Variants in SBF2 observed in about 807,000 individuals in gnomAD.
SBF2 encodes myotubularin-related protein 13.
In SBF2, 112 loss-of-function variants were observed where a neutral mutation model predicts 225.2. The ratio of observed to expected loss-of-function variants is 0.50; its 90% confidence interval spans 0.43 to 0.58. The LOEUF (loss-of-function observed/expected upper bound fraction) is 0.58, where lower values mean the gene tolerates loss of function less well. SBF2 is among the 20% of genes least tolerant of loss of function. The pLI is 0.00. For missense variants in SBF2, 1,996 were observed against 2,206.2 expected, an observed-to-expected ratio of 0.90 and a Z score of 1.91; for synonymous variants, 763 against 773.3, an observed-to-expected ratio of 0.99 and a Z score of 0.22.
intron 2 of SBF2, among the ~76,000 whole-genome samples, chr11:10,193,564 G>A (rs1957261678): frequency 6.6e-6 from 1 of 151,896 alleles, no homozygotes; most frequent in South Asian, 2.1e-4. Flanking sequence ...CGTGTTACCA[G>A]GATGGTATCA....
intron 2 of SBF2, among the ~76,000 whole-genome samples, chr11:10,119,440 C>T (rs964013494): frequency 5.9e-5 from 9 of 152,032 alleles, no homozygotes; most frequent in Admixed American, 3.9e-4. Flanking sequence ...ACTTAATCTC[C>T]CAAAGCAAAA....
intron 7 of SBF2, among the ~76,000 whole-genome samples, chr11:10,001,693 T>C (rs1285115548): frequency 6.6e-6 from 1 of 151,978 alleles, no homozygotes; most frequent in Non-Finnish European, 1.5e-5. Flanking sequence ...CCCGGCTAGC[T>C]TTTTCTATTT....
At chr11:10,007,507 G>C (rs1948247630) in intron 6 of SBF2, among the ~76,000 whole-genome samples, 1 of 152,180 alleles carries the variant, frequency 6.6e-6, no homozygotes, top group Admixed American at 6.5e-5. Flanking sequence ...GCCGCCAGCA[G>C]GGAATATGGA....
At chr11:9,893,601 T>C (rs929872037) in intron 17 of SBF2, among the ~76,000 whole-genome samples, 1 of 152,204 alleles carries the variant, frequency 6.6e-6, no homozygotes, top group Non-Finnish European at 1.5e-5. Context: ...GTTTCAGTGG[T>C]ACCCCAGGTG....
At chr11:9,971,509 T>C (rs1003635610) in intron 13 of SBF2, among the ~76,000 whole-genome samples, 1 of 151,962 alleles carries the variant, frequency 6.6e-6, no homozygotes, top group Admixed American at 6.6e-5. Context: ...TGAGACCCCA[T>C]TTCTACAAAA....
chr11:10,263,966 T>C (rs1961695497), intron 1 of SBF2, among the ~76,000 whole-genome samples: 1 of 152,222 alleles, frequency 6.6e-6, no homozygotes, highest in South Asian at 2.1e-4. Flanking sequence ...TCATGATTTA[T>C]AAAGTTAATA....
chr11:10,294,187 C>T lies in SBF2; in HGVS notation c.-118G>A, dbSNP rs563422015. 40 of 776,660 alleles carry T rather than the reference C, an allele frequency of 5.2e-5. No individual in the cohort carries two copies. Among genetic ancestry groups the T allele is most frequent in the South Asian group, 3.4e-4 (7 of 20,778 alleles). 48.1% of individuals were successfully genotyped at this position (776,660 alleles called of 1,614,324 possible). ...AGCGGCAGTAGCGGCAGCGGCAGCG[C>T]TTCAGCCATGTTTGACAACCGAGGC... On this transcript the variant is annotated 5_prime_UTR_variant, in exon 1 of 40. Transcript: ENST00000256190.
At chr11:9,912,151 C>T (rs1392714427) in intron 16 of SBF2, among the ~76,000 whole-genome samples, 6 of 150,784 alleles carry the variant, frequency 4.0e-5, no homozygotes, top group African/African-American at 1.5e-4. Flanking sequence ...CCCATCTCTA[C>T]TAAAAATACA....
chr11:10,059,427 T>C (rs562939334), intron 2 of SBF2, among the ~76,000 whole-genome samples: 2 of 152,168 alleles, frequency 1.3e-5, no homozygotes, highest in South Asian at 2.1e-4. Context: ...CAATACATAA[T>C]GATAAAGGGT....
At chr11:9,780,746 A>G (rs1590066208) in intron 39 of SBF2, 1 of 539,704 alleles carries the variant, frequency 1.9e-6, no homozygotes, top group Non-Finnish European at 3.3e-6. Flanking sequence ...ACACACTGGG[A>G]GCGCCTTATT....
chr11:9,985,435 G>C (rs1947157927), intron 13 of SBF2, among the ~76,000 whole-genome samples: 1 of 152,090 alleles, frequency 6.6e-6, no homozygotes, highest in Admixed American at 6.6e-5. Flanking sequence ...TGATTTTCCT[G>C]CCTCAGCTTC....
At chr11:9,911,346 T>C (rs557898552) in intron 16 of SBF2, among the ~76,000 whole-genome samples, 3 of 149,140 alleles carry the variant, frequency 2.0e-5, no homozygotes, top group Non-Finnish European at 4.4e-5. Flanking sequence ...ATCATGCCAG[T>C]GCACTCCAGC....
intron 4 of SBF2, among the ~76,000 whole-genome samples, chr11:10,030,591 A>G (rs941623664): frequency 6.6e-6 from 1 of 152,188 alleles, no homozygotes; most frequent in Non-Finnish European, 1.5e-5. Context: ...CTGTGTTTCT[A>G]AAACAAGAAA....
intron 2 of SBF2, 33 bp from the exon 3 acceptor site, chr11:10,043,014 A>G (rs1318138525): frequency 6.3e-7 from 1 of 1,593,988 alleles, no homozygotes; most frequent in Non-Finnish European, 8.6e-7. Context: ...TGTAACATTT[A>G]AAAACAATAA....
chr11:10,260,481 C>T (rs1017533405), intron 1 of SBF2, among the ~76,000 whole-genome samples: 2 of 152,018 alleles, frequency 1.3e-5, no homozygotes, highest in East Asian at 3.9e-4. Flanking sequence ...CTTTGGGAGG[C>T]CAAGGCGGGC....
chr11:9,952,694 A>G (rs569322875), intron 16 of SBF2, among the ~76,000 whole-genome samples: 4 of 152,166 alleles, frequency 2.6e-5, no homozygotes, highest in African/African-American at 9.6e-5. Context: ...TACATATGCA[A>G]TCTGCTTACT....
chr11:10,231,103 G>A (rs188591572), intron 1 of SBF2, among the ~76,000 whole-genome samples: 7 of 152,074 alleles, frequency 4.6e-5, no homozygotes, highest in South Asian at 2.1e-4. Context: ...TGATCGAATC[G>A]GCTACTGAGG....
intron 1 of SBF2, among the ~76,000 whole-genome samples, chr11:10,249,261 AG>A (rs1960105913): frequency 6.6e-6 from 1 of 152,198 alleles, no homozygotes; most frequent in African/African-American, 2.4e-5. Flanking sequence ...GGGTTATAAA[AG>A]GTTTATAAAA....
chr11:10,064,426 T>C (rs756284443), intron 2 of SBF2, among the ~76,000 whole-genome samples: 6 of 152,144 alleles, frequency 3.9e-5, no homozygotes, highest in East Asian at 1.9e-4. Context: ...AAAGGACCAA[T>C]GGAATGAACA....
Sources: gnomAD v4.1 joint callset for allele counts (sites outside exome capture counted in the v4.1 genomes callset) on GRCh38, gnomAD v4.1.1 for gene constraint, MANE v1.5 for transcripts, NCBI Gene and HGNC (gene_info 2026-07-23, HGNC 2026-07-21) for gene names.